Variants in DLGAP1 observed in about 807,000 individuals in gnomAD.
The protein encoded by DLGAP1 is disks large-associated protein 1.
Under a neutral mutation model 90.8 loss-of-function variants are expected in DLGAP1, and 11 were observed. The ratio of observed to expected loss-of-function variants is 0.12; its 90% CI spans 0.08 to 0.20. The LOEUF is 0.20. Among genes scored for constraint, DLGAP1 ranks in the 10% least tolerant of loss-of-function variants. The probability of loss-of-function intolerance (pLI) is 1.00; values close to 1 mark genes in which losing one functional copy is unlikely to be tolerated. For synonymous variants in DLGAP1, 558 were observed against 540.7 expected, an observed-to-expected ratio of 1.03 and a Z score of -0.44; for missense variants, 1,050 against 1,333.8, an observed-to-expected ratio of 0.79 and a Z score of 3.31.
chr18:4,413,221 G>C (rs1436701041), intron 1 of DLGAP1, among the ~76,000 whole-genome samples: 1 of 152,064 alleles, frequency 6.6e-6, no homozygotes, highest in East Asian at 1.9e-4. Context: ...ACATGAGGAG[G>C]AGCAGTGCAG....
rs767628497 is a variant in DLGAP1 at position 4,454,662 on chromosome 18, G to A, written c.-267+344C>T. On this transcript the variant is annotated intron_variant, in intron 1 of 12. Transcript: ENST00000315677. This position sits in a 1 kb window ranked among gnomAD's most constrained non-coding sequence, Gnocchi z 4.7. ...TGACCGGTGGACATGACCGGGACAG[G>A]GGACCGGTGTTCTCCTCCCCTCCCC... 6.6e-6 allele frequency among the ~76,000 whole-genome samples: 1 copy of A among 152,032 alleles called. No individual in the cohort carries two copies. Among genetic ancestry groups the A allele is most frequent in the Non-Finnish European group, 1.5e-5 (1 of 67,982 alleles).
intron 3 of DLGAP1, among the ~76,000 whole-genome samples, chr18:3,932,496 G>T (rs539876822): frequency 1.2e-4 from 19 of 152,274 alleles, no homozygotes; most frequent in African/African-American, 4.3e-4. Flanking sequence ...CCTTGCGGGG[G>T]AGCCTAGGCC....
intron 2 of DLGAP1, among the ~76,000 whole-genome samples, chr18:4,132,486 T>A (rs1016053560): frequency 6.6e-6 from 1 of 152,188 alleles, no homozygotes; most frequent in Admixed American, 6.5e-5. Context: ...AACCTTTCTG[T>A]GTCTTTCTTG....
chr18:3,614,728 G>T, intron 7 of DLGAP1, among the ~76,000 whole-genome samples: 1 of 149,000 alleles, frequency 6.7e-6, no homozygotes, highest in Non-Finnish European at 1.5e-5. Context: ...GTGCAGGCCT[G>T]TAATCCCAGT....
rs1028833533 is a variant in DLGAP1, at chr18:4,135,055, AGTGTTT to A, written c.-159+16119_-159+16124del. ...AGTAGAAACTACCAGCAGAGTACGTAGTGTTTGATCTCCAAACTCTCTCTGACTATA... is the reference window on the plus strand; with the variant it reads ...AGTAGAAACTACCAGCAGAGTACGTAGATCTCCAAACTCTCTCTGACTATA... On this transcript the variant is annotated intron_variant, in intron 2 of 12. Coordinates refer to ENST00000315677, the MANE Select transcript of DLGAP1 (RefSeq NM_004746.4). Among the ~76,000 whole-genome samples, 23 of 152,168 alleles carry A rather than the reference AGTGTTT, an allele frequency of 1.5e-4. 1 individual carries two copies. Among genetic ancestry groups the A allele is most frequent in the African/African-American group, 5.6e-4 (23 of 41,434 alleles).
At chr18:4,072,031 G>A (rs1347653984) in intron 2 of DLGAP1, among the ~76,000 whole-genome samples, 1 of 152,124 alleles carries the variant, frequency 6.6e-6, no homozygotes, top group East Asian at 1.9e-4. Context: ...TTATCTCTTG[G>A]TTCCTGTGGC....
At chr18:3,695,154 CA>C (rs1157163776) in intron 7 of DLGAP1, among the ~76,000 whole-genome samples, 3 of 151,868 alleles carry the variant, frequency 2.0e-5, no homozygotes, top group Admixed American at 6.6e-5. Flanking sequence ...CCGTGTTAGC[CA>C]GGATGGTCTC....
intron 8 of DLGAP1, among the ~76,000 whole-genome samples, chr18:3,575,768 C>A (rs2145276511): frequency 6.6e-6 from 1 of 152,208 alleles, no homozygotes; most frequent in Middle Eastern, 3.4e-3. Context: ...CCAGAGCAGC[C>A]AGTCCCCACA....
chr18:3,848,152 A>AAAAAAAAAAAAAAAAC (rs2069124705), intron 4 of DLGAP1, among the ~76,000 whole-genome samples: 1 of 148,002 alleles, frequency 6.8e-6, no homozygotes, highest in Non-Finnish European at 1.5e-5. Context: ...AAAAAAAAAA[A>AAAAAAAAAAAAAAAAC]AAAAAAGCCA....
At chr18:3,826,090 A>G (rs2067695815) in intron 4 of DLGAP1, among the ~76,000 whole-genome samples, 1 of 152,200 alleles carries the variant, frequency 6.6e-6, no homozygotes, top group Non-Finnish European at 1.5e-5. Flanking sequence ...ACACACAGAC[A>G]TAAAGATGGC....
At chr18:4,165,059 T>C (rs2076910135) in intron 1 of DLGAP1, among the ~76,000 whole-genome samples, 1 of 151,994 alleles carries the variant, frequency 6.6e-6, no homozygotes, top group Non-Finnish European at 1.5e-5. Context: ...GGAGAGAGGG[T>C]GGGGCTGAAA....
chr18:3,499,466 A>G lies in DLGAP1; in HGVS notation c.2725-72T>C. The G allele has an allele frequency of 6.7e-7, 1 of 1,491,190 alleles. No individual in the cohort carries two copies. The highest frequency in any genetic ancestry group is 9.1e-7 in the Non-Finnish European group (1 of 1,101,100). 92.4% of individuals were successfully genotyped at this position (1,491,190 alleles called of 1,614,324 possible). On this transcript the variant is annotated intron_variant, in intron 12 of 12. Coordinates refer to ENST00000315677, the MANE Select transcript of DLGAP1 (RefSeq NM_004746.4). The surrounding 1 kb of genome is among the most constrained non-coding windows in gnomAD (Gnocchi z 6.4). ...AGCTTGGGAAAAACTGGGATAGGTC[A>G]GTAGTTAGAACACACAGTTTTTTAC... is the stretch of plus-strand genomic sequence containing the variant.
chr18:4,022,029 T>A (rs9952023), intron 2 of DLGAP1, among the ~76,000 whole-genome samples: 6,768 of 152,272 alleles, frequency 0.044, 402 homozygotes, highest in African/African-American at 0.14. Context: ...GAAAGACTAA[T>A]CCTTTAAAAC....
rs115279061 is a variant in DLGAP1 at position 4,098,639 on chromosome 18, C to T, written c.-159+52541G>A. Among the ~76,000 whole-genome samples, 1,455 of 152,052 alleles carry T rather than the reference C, an allele frequency of 9.6e-3. 18 individuals carry two copies. The highest frequency in any genetic ancestry group is 0.032 in the African/African-American group (1,331 of 41,454). On this transcript the variant is annotated intron_variant, in intron 2 of 12. Coordinates refer to ENST00000315677, the MANE Select transcript of DLGAP1 (RefSeq NM_004746.4). ...CAACATTTTAAGCTATTGAGAAAAC[C>T]GCCAATAGAAATATGGAAAAAAGGA...
chr18:4,024,670 A>G (rs980431468), intron 2 of DLGAP1, among the ~76,000 whole-genome samples: 1 of 152,192 alleles, frequency 6.6e-6, no homozygotes, highest in Non-Finnish European at 1.5e-5. Flanking sequence ...GGTAAAGACT[A>G]CTAATGACTA....
At chr18:3,930,630 T>C (rs890620903) in intron 3 of DLGAP1, among the ~76,000 whole-genome samples, 3 of 152,080 alleles carry the variant, frequency 2.0e-5, no homozygotes, top group Admixed American at 2.0e-4. Context: ...CAGAATTAGG[T>C]TCCAGGTGCT....
rs551323712 is a variant in DLGAP1, at chr18:3,534,967, C to T, written c.2058-352G>A. ...TCTGCCTCCCAAAGTGCTGGGATTA[C>T]AGGTGTGAGCCACCGTGCCTGGCAA... On this transcript the variant is annotated intron_variant, in intron 9 of 12. Transcript: ENST00000315677. Among the ~76,000 whole-genome samples, 4 of 152,138 alleles carry T rather than the reference C, an allele frequency of 2.6e-5. No homozygotes were observed. In the East Asian group the frequency reaches 7.7e-4, roughly 29 times the overall value.
At chr18:3,899,301 C>T (rs1481777636) in intron 3 of DLGAP1, among the ~76,000 whole-genome samples, 2 of 152,146 alleles carry the variant, frequency 1.3e-5, no homozygotes, top group African/African-American at 4.8e-5. Context: ...GGAAAAAACT[C>T]CACTGAAGTA....
intron 1 of DLGAP1, among the ~76,000 whole-genome samples, chr18:4,410,045 G>A (rs2082743283): frequency 6.6e-6 from 1 of 152,172 alleles, no homozygotes; most frequent in South Asian, 2.1e-4. Flanking sequence ...TCTAAGTGAA[G>A]TAACTCAGGA....
Sources: allele counts gnomAD v4.1 joint callset (sites outside exome capture counted in the v4.1 genomes callset), GRCh38; gene constraint gnomAD v4.1.1; non-coding constraint Gnocchi (gnomAD v3.1); transcripts MANE v1.5; gene names NCBI Gene and HGNC (gene_info 2026-07-23, HGNC 2026-07-21).